GRM7: variants seen among roughly 807,000 people sequenced by gnomAD.
The protein encoded by GRM7 is metabotropic glutamate receptor 7.
Under a neutral mutation model 84.5 loss-of-function variants are expected in GRM7, and 35 were observed. The observed-to-expected ratio is 0.41, with a 90% CI of 0.32 to 0.55. GRM7 has a LOEUF of 0.55. Among genes scored for constraint, GRM7 ranks in the 20% least tolerant of loss-of-function variants. GRM7 has a pLI of 0.19. For missense variants in GRM7, 1,003 were observed against 1,194.6 expected, an observed-to-expected ratio of 0.84 and a Z score of 2.36; for synonymous variants, 487 against 455.1, an observed-to-expected ratio of 1.07 and a Z score of -0.89.
chr3:7,183,081 G>A lies in GRM7; in HGVS notation c.736+36413G>A, dbSNP rs545655641. Among the ~76,000 whole-genome samples, 87 of 151,992 alleles carry A rather than the reference G, an allele frequency of 5.7e-4. No homozygotes were observed. The South Asian group carries it at 5.8e-3, about 10-fold the overall frequency. On this transcript the variant is annotated intron_variant, in intron 2 of 9. Coordinates refer to ENST00000357716, the MANE Select transcript of GRM7 (RefSeq NM_000844.4). ...TTATGAACATTTCATAAAGTATATCGTTGCCCTCGTCTTGTTTCAAGACAT... is the reference window on the plus strand; with the variant it reads ...TTATGAACATTTCATAAAGTATATCATTGCCCTCGTCTTGTTTCAAGACAT...
rs564730967 is a variant in GRM7 at position 7,643,500 on chromosome 3, G to A, written c.2452-36549G>A. ...TCCAGAGTTTTACATAAAAAGTTGAGACTTTAAAATGCTAGTCATTTATCC... is the reference window on the plus strand; with the variant it reads ...TCCAGAGTTTTACATAAAAAGTTGAAACTTTAAAATGCTAGTCATTTATCC... On this transcript the variant is annotated intron_variant, in intron 8 of 9. Coordinates refer to ENST00000357716, the MANE Select transcript of GRM7 (RefSeq NM_000844.4). Among the ~76,000 whole-genome samples the A allele has an allele frequency of 1.6e-4, 24 of 152,238 alleles. No homozygotes were observed. The South Asian group carries it at 5.0e-3, about 32-fold the overall frequency.
rs1419141989 is a variant in GRM7 at position 6,861,511 on chromosome 3, C to T, written c.123C>T (p.His41=). The T allele has an allele frequency of 1.0e-5, 16 of 1,578,886 alleles. No individual in the cohort carries two copies. Among genetic ancestry groups the T allele is most frequent in the Non-Finnish European group, 1.4e-5 (16 of 1,164,002 alleles). The change falls in exon 1 of 10, where the codon CAC becomes CAT. Residue 41 remains histidine (H), a synonymous_variant. Transcript: ENST00000357716. This position sits in a 1 kb window ranked among gnomAD's most constrained non-coding sequence, Gnocchi z 6.4. ...GCGGCCAGGAGATGTACGCCCCGCA[C>T]TCAATCCGGATCGAGGGGGACGTCA... ...AARGQEMYAP[H]SIRIEGDVTL...
intron 2 of GRM7, among the ~76,000 whole-genome samples, chr3:7,218,338 T>C (rs1030107566): frequency 6.6e-6 from 1 of 152,160 alleles, no homozygotes; most frequent in Non-Finnish European, 1.5e-5. Context: ...TGCCTTAATT[T>C]ATAGTACCTT....
At chr3:7,104,159 C>T (rs539541798) in intron 1 of GRM7, among the ~76,000 whole-genome samples, 1 of 151,632 alleles carries the variant, frequency 6.6e-6, no homozygotes, top group East Asian at 2.0e-4. Context: ...CTCTCTTTCT[C>T]TTTCTCTTTT....
chr3:7,247,549 T>G (rs905400029), intron 2 of GRM7, among the ~76,000 whole-genome samples: 24 of 148,554 alleles, frequency 1.6e-4, no homozygotes, highest in South Asian at 1.1e-3. Flanking sequence ...CAATGAGCTA[T>G]GATTGTGCCA....
chr3:7,603,401 C>G (rs146539486), intron 8 of GRM7, among the ~76,000 whole-genome samples: 1 of 152,178 alleles, frequency 6.6e-6, no homozygotes, highest in Non-Finnish European at 1.5e-5. Context: ...TACCCCCAGA[C>G]CCCAGATTTC....
chr3:7,205,198 G>A (rs1334457132), intron 2 of GRM7, among the ~76,000 whole-genome samples: 5 of 152,128 alleles, frequency 3.3e-5, no homozygotes, highest in Admixed American at 3.3e-4. Context: ...TAACAGCAAT[G>A]TTCATATGAA....
Position 6,994,677 on chromosome 3 carries a change from C to T in GRM7, c.519+132770C>T, listed in dbSNP as rs1002689593. 2.0e-5 allele frequency among the ~76,000 whole-genome samples: 3 copies of T among 152,100 alleles called. No homozygotes were observed. In the South Asian group the frequency reaches 6.2e-4, roughly 32 times the overall value. On this transcript the variant is annotated intron_variant, in intron 1 of 9. Coordinates refer to ENST00000357716, the MANE Select transcript of GRM7 (RefSeq NM_000844.4). Reference sequence around the variant, plus strand: ...TTTTTTTCTTAGAGACAATTTATTGCTTGCTGAACAGGTTTTATTTTTCCT... The same window carrying T: ...TTTTTTTCTTAGAGACAATTTATTGTTTGCTGAACAGGTTTTATTTTTCCT...
chr3:7,366,227 T>C (rs1364136909), intron 4 of GRM7, among the ~76,000 whole-genome samples: 3 of 151,868 alleles, frequency 2.0e-5, no homozygotes, highest in Admixed American at 2.0e-4. Context: ...GATTCTACTA[T>C]CTTCTGTAAC....
intron 1 of GRM7, among the ~76,000 whole-genome samples, chr3:6,986,848 G>A (rs1437617503): frequency 6.6e-6 from 1 of 152,168 alleles, no homozygotes; most frequent in Non-Finnish European, 1.5e-5. Context: ...CACGTGAGCT[G>A]CATGATTGGA....
chr3:7,300,622 G>A (rs564855224), intron 3 of GRM7, among the ~76,000 whole-genome samples: 2 of 152,006 alleles, frequency 1.3e-5, no homozygotes, highest in African/African-American at 4.8e-5. Flanking sequence ...CACTGCCGTG[G>A]TATGATCTCC....
rs2125107334 is a variant in GRM7, at chr3:7,362,979, A to G, written c.1034-52044A>G. Among the ~76,000 whole-genome samples, 5 of 152,146 alleles carry G rather than the reference A, an allele frequency of 3.3e-5. No individual in the cohort carries two copies. In the Middle Eastern group the frequency reaches 0.017, roughly 518 times the overall value. On this transcript the variant is annotated intron_variant, in intron 4 of 9. Transcript: ENST00000357716. ...AGAAAATAAAAATAAAAAGTTACCCAGGCATGGTGGTACATGCCTGTAGTC... is the reference window on the plus strand; with the variant it reads ...AGAAAATAAAAATAAAAAGTTACCCGGGCATGGTGGTACATGCCTGTAGTC...
intron 8 of GRM7, among the ~76,000 whole-genome samples, chr3:7,589,252 A>C (rs977568450): frequency 6.6e-6 from 1 of 152,226 alleles, no homozygotes; most frequent in African/African-American, 2.4e-5. Context: ...GAGGTATGGA[A>C]GTACCTTGTG....
At chr3:7,713,293 T>A (rs1019056276) in intron 9 of GRM7, among the ~76,000 whole-genome samples, 1 of 151,766 alleles carries the variant, frequency 6.6e-6, no homozygotes, top group African/African-American at 2.4e-5. Flanking sequence ...CCCACTACCA[T>A]GCCTGGCTAA....
chr3:7,443,923 G>C (rs990839126), intron 5 of GRM7, among the ~76,000 whole-genome samples: 1 of 152,016 alleles, frequency 6.6e-6, no homozygotes, highest in Non-Finnish European at 1.5e-5. Flanking sequence ...GCCTACATAC[G>C]TATGCAATGC....
chr3:7,246,836 G>A (rs1436657131), intron 2 of GRM7, among the ~76,000 whole-genome samples: 1 of 152,126 alleles, frequency 6.6e-6, no homozygotes, highest in Non-Finnish European at 1.5e-5. Flanking sequence ...ATGGAAATGA[G>A]CTAGAACAGT....
chr3:7,068,414 T>G (rs902124894), intron 1 of GRM7, among the ~76,000 whole-genome samples: 2 of 152,038 alleles, frequency 1.3e-5, no homozygotes, highest in African/African-American at 4.8e-5. Flanking sequence ...CATCAAGTAA[T>G]AGTTACGCAC....
At chr3:7,680,428 C>T (rs1700320233) in intron 9 of GRM7, 133 bp downstream of exon 9, 2 of 807,296 alleles carry the variant, frequency 2.5e-6, no homozygotes, top group Admixed American at 5.2e-5. Flanking sequence ...TTGGTGAATG[C>T]CAGCTTCTGC....
At chr3:6,986,417 T>C (rs1333833746) in intron 1 of GRM7, among the ~76,000 whole-genome samples, 2 of 152,076 alleles carry the variant, frequency 1.3e-5, no homozygotes, top group African/African-American at 2.4e-5. Flanking sequence ...TAATGAACAT[T>C]GAAAAACAAA....
Sources: gnomAD v4.1 joint callset for allele counts (sites outside exome capture counted in the v4.1 genomes callset) on GRCh38, gnomAD v4.1.1 for gene constraint, Gnocchi (gnomAD v3.1) non-coding constraint, MANE v1.5 for transcripts, NCBI Gene and HGNC (gene_info 2026-07-23, HGNC 2026-07-21) for gene names.